Variants in PAG1 observed in about 807,000 individuals in gnomAD.
PAG1 encodes the protein phosphoprotein membrane anchor with glycosphingolipid microdomains 1.
In PAG1, 23 loss-of-function variants were observed where a neutral mutation model predicts 31.7. The observed-to-expected ratio is 0.73, with a 90% CI of 0.52 to 1.03. The LOEUF is 1.03. PAG1 is among the 50% of genes least tolerant of loss of function. PAG1 has a pLI of 0.00. For missense variants in PAG1, 473 were observed against 540.7 expected (o/e 0.87, Z 1.24); for synonymous variants, 214 against 210.3 (o/e 1.02, Z -0.15).
At chr8:81,032,690 T>TAA (rs1482409194) in intron 2 of PAG1, among the ~76,000 whole-genome samples, 34 of 152,324 alleles carry the variant, frequency 2.2e-4, no homozygotes, top group African/African-American at 8.2e-4. Flanking sequence ...AACAGAGAGT[T>TAA]ACCATGTGAC....
chr8:80,979,978 A>G (rs964109829), intron 8 of PAG1, among the ~76,000 whole-genome samples: 6 of 152,120 alleles, frequency 3.9e-5, no homozygotes, highest in African/African-American at 1.4e-4. Flanking sequence ...TACTGAAGTT[A>G]ATCTGCTCTC....
intron 3 of PAG1, among the ~76,000 whole-genome samples, chr8:81,019,922 C>A (rs992465722): frequency 6.6e-6 from 1 of 152,172 alleles, no homozygotes; most frequent in Non-Finnish European, 1.5e-5. Flanking sequence ...GGGATGTACC[C>A]TGAAAAGCCA....
intron 3 of PAG1, among the ~76,000 whole-genome samples, chr8:81,022,681 T>C (rs1468721723): frequency 6.6e-6 from 1 of 152,192 alleles, no homozygotes; most frequent in Non-Finnish European, 1.5e-5. Context: ...TATCTATGTA[T>C]ATCTTCAATA....
At chr8:81,073,918 C>T (rs899874710) in intron 1 of PAG1, among the ~76,000 whole-genome samples, 3 of 152,076 alleles carry the variant, frequency 2.0e-5, no homozygotes, top group African/African-American at 7.2e-5. Context: ...GGGGGGGAGG[C>T]AGGTCAGAGG....
chr8:80,976,109 A>G lies in PAG1; in HGVS notation c.*435T>C. ...AATCTGGACATTTCAAGGGGGAAAA[A>G]GCCTTAAAGTCAGTAGCAGACAGAG... On this transcript the variant is annotated 3_prime_UTR_variant, in exon 9 of 9. Transcript: ENST00000220597. 1 of 158,042 alleles carries G rather than the reference A, an allele frequency of 6.3e-6. No homozygotes were observed. The highest frequency in any genetic ancestry group is 1.4e-5 in the Non-Finnish European group (1 of 72,086). 9.8% of individuals were successfully genotyped at this position (158,042 alleles called of 1,614,324 possible). A position where few individuals can be genotyped will look rare whatever the true frequency, so the allele number is the denominator to read the frequency against.
At chr8:80,992,887 T>C (rs959827740) in intron 4 of PAG1, among the ~76,000 whole-genome samples, 1 of 152,198 alleles carries the variant, frequency 6.6e-6, no homozygotes, top group African/African-American at 2.4e-5. Flanking sequence ...GCTCTTCTAG[T>C]TGCTCCCTAG....
At chr8:81,098,055 G>T (rs1487131433) in intron 1 of PAG1, among the ~76,000 whole-genome samples, 1 of 152,080 alleles carries the variant, frequency 6.6e-6, no homozygotes, top group Non-Finnish European at 1.5e-5. Flanking sequence ...CATTTTATTT[G>T]TAAGAAAGCA....
rs1354611552 is a variant in PAG1, at chr8:80,973,313, T to C, written c.*3231A>G. 3 of 152,190 alleles carry C rather than the reference T, an allele frequency of 2.0e-5. No homozygotes were observed. Among genetic ancestry groups the C allele is most frequent in the Non-Finnish European group, 4.4e-5 (3 of 68,028 alleles). The allele number at this position is 152,190 out of a possible 1,614,324, so 9.4% of individuals were successfully genotyped here. A position where few individuals can be genotyped will look rare whatever the true frequency, so the allele number is the denominator to read the frequency against. On this transcript the variant is annotated 3_prime_UTR_variant, in exon 9 of 9. Transcript: ENST00000220597. ...ATATAGCGTTTTGTTCTTGTGTAGT[T>C]ATCTGCCTAGGATACAGACAGGATA...
At chr8:81,085,892 A>G (rs1291156776) in intron 1 of PAG1, among the ~76,000 whole-genome samples, 1 of 149,826 alleles carries the variant, frequency 6.7e-6, no homozygotes. Context: ...ATTTTGGTCA[A>G]TTATGTTTTT....
intron 1 of PAG1, among the ~76,000 whole-genome samples, chr8:81,096,845 C>A (rs1365433346): frequency 6.6e-6 from 1 of 152,182 alleles, no homozygotes; most frequent in East Asian, 1.9e-4. Flanking sequence ...CTGCTGGGGG[C>A]ACAAGGCTGT....
At chr8:81,063,546 T>C (rs1239106315) in intron 2 of PAG1, among the ~76,000 whole-genome samples, 1 of 152,164 alleles carries the variant, frequency 6.6e-6, no homozygotes, top group Non-Finnish European at 1.5e-5. Flanking sequence ...AAGTTTTTTT[T>C]TAAGTACTAG....
At chr8:80,999,409 A>G (rs1279938772) in intron 3 of PAG1, among the ~76,000 whole-genome samples, 1 of 152,172 alleles carries the variant, frequency 6.6e-6, no homozygotes, top group Non-Finnish European at 1.5e-5. Context: ...AGATTCCTGA[A>G]TCCTTTTCTA....
intron 2 of PAG1, among the ~76,000 whole-genome samples, chr8:81,046,172 C>T (rs1808638579): frequency 6.6e-6 from 1 of 152,150 alleles, no homozygotes; most frequent in Admixed American, 6.6e-5. Context: ...AGCTTTTGGT[C>T]TTGGAGAGGA....
Position 80,985,299 on chromosome 8 carries a change from G to T in PAG1, c.353C>A (p.Ser118Tyr). The T allele has an allele frequency of 6.2e-7, 1 of 1,614,122 alleles. No homozygotes were observed. Among genetic ancestry groups the T allele is most frequent in the Non-Finnish European group, 8.5e-7 (1 of 1,180,016 alleles). Residue 118 changes from serine (S) to tyrosine (Y), a missense_variant, in exon 7 of 9, where the codon TCC becomes TAC. Coordinates refer to ENST00000220597, the MANE Select transcript of PAG1 (RefSeq NM_018440.4). ...VQTSASDLLDSQDSTGKPKCH... is the reference protein window; with the variant it reads ...VQTSASDLLDYQDSTGKPKCH... ...TTTTGGTTTCCCTGTGCTGTCCTGG[G>T]AATCCAGCAGATCCGAGGCCGATGT...
At chr8:81,097,905 TATAA>T (rs1809553242) in intron 1 of PAG1, among the ~76,000 whole-genome samples, 1 of 152,196 alleles carries the variant, frequency 6.6e-6, no homozygotes, top group Admixed American at 6.6e-5. Flanking sequence ...TGAATGTTCC[TATAA>T]ATGTTTTATC....
intron 7 of PAG1, among the ~76,000 whole-genome samples, chr8:80,982,157 C>A (rs923200327): frequency 1.3e-5 from 2 of 152,162 alleles, no homozygotes; most frequent in South Asian, 4.1e-4. Flanking sequence ...TGAGTCACTG[C>A]GCCCAGCCTG....
intron 5 of PAG1, among the ~76,000 whole-genome samples, chr8:80,989,711 C>T (rs1020350483): frequency 1.3e-5 from 2 of 152,114 alleles, no homozygotes; most frequent in Non-Finnish European, 2.9e-5. Context: ...AGTAGAACAG[C>T]GGGAACCCAA....
At position 80,973,051 on chromosome 8, in the gene PAG1, T is replaced by C. The variant is rs1807111128; in HGVS notation, c.*3493A>G. Reference sequence around the variant, plus strand: ...TGATATAATGCGGTTAAATTTTAGTTCTCTGTGTTAACTACTTACTGTTAA... The same window carrying C: ...TGATATAATGCGGTTAAATTTTAGTCCTCTGTGTTAACTACTTACTGTTAA... On this transcript the variant is annotated 3_prime_UTR_variant, in exon 9 of 9. Transcript: ENST00000220597. 1 of 152,078 alleles carries C rather than the reference T, an allele frequency of 6.6e-6. No homozygotes were observed. The highest frequency in any genetic ancestry group is 2.4e-5 in the African/African-American group (1 of 41,402). 9.4% of individuals were successfully genotyped at this position (152,078 alleles called of 1,614,324 possible). A position where few individuals can be genotyped will look rare whatever the true frequency, so the allele number is the denominator to read the frequency against.
chr8:81,065,517 A>G (rs918079026), intron 2 of PAG1, among the ~76,000 whole-genome samples: 6 of 152,198 alleles, frequency 3.9e-5, no homozygotes, highest in Non-Finnish European at 8.8e-5. Context: ...TAGGTCACAA[A>G]GCAGCCAAGA....
Sources: gnomAD v4.1 joint callset for allele counts (sites outside exome capture counted in the v4.1 genomes callset) on GRCh38, gnomAD v4.1.1 for gene constraint, MANE v1.5 for transcripts, NCBI Gene and HGNC (gene_info 2026-07-23, HGNC 2026-07-21) for gene names.